The following KIAA1328 variants were observed in gnomAD, a reference collection of about 807,000 sequenced individuals.
The protein encoded by KIAA1328 is protein hinderin.
KIAA1328 carries 52 observed loss-of-function variants against 68.1 expected under a neutral mutation model. The observed-to-expected ratio is 0.76, with a 90% CI of 0.61 to 0.96. KIAA1328 has a LOEUF of 0.96. KIAA1328 is among the 40% of genes least tolerant of loss of function. The pLI is 0.00. For synonymous variants in KIAA1328, 232 were observed against 239.4 expected (o/e 0.97, Z 0.28); for missense variants, 641 against 677.6 (o/e 0.95, Z 0.60).
chr18:37,154,643 C>T (rs1031860242), intron 7 of KIAA1328, among the ~76,000 whole-genome samples: 1 of 152,140 alleles, frequency 6.6e-6, no homozygotes, highest in African/African-American at 2.4e-5. Context: ...CCTCAATTCA[C>T]TCCAGCATCA....
chr18:37,116,150 G>GA (rs1322077067), intron 7 of KIAA1328, among the ~76,000 whole-genome samples: 1 of 151,368 alleles, frequency 6.6e-6, no homozygotes. Context: ...CACAGAATTG[G>GA]AAAAAACTAC....
chr18:36,843,018 T>C (rs933881385), intron 3 of KIAA1328, among the ~76,000 whole-genome samples: 1 of 152,008 alleles, frequency 6.6e-6, no homozygotes, highest in Non-Finnish European at 1.5e-5. Flanking sequence ...AAAATACTAA[T>C]ATTTTTTCTT....
intron 6 of KIAA1328, among the ~76,000 whole-genome samples, chr18:37,001,634 A>G (rs552416616): frequency 2.9e-4 from 44 of 152,266 alleles, no homozygotes; most frequent in African/African-American, 1.0e-3. Flanking sequence ...CTAGCAAACC[A>G]AATCCAACAG....
chr18:36,888,172 G>C (rs1014346670), intron 5 of KIAA1328, among the ~76,000 whole-genome samples: 1 of 152,090 alleles, frequency 6.6e-6, no homozygotes, highest in Admixed American at 6.5e-5. Flanking sequence ...ATTTAACTCG[G>C]GGGGAGAACA....
intron 7 of KIAA1328, among the ~76,000 whole-genome samples, chr18:37,134,929 C>T (rs1471734464): frequency 6.6e-6 from 1 of 152,170 alleles, no homozygotes; most frequent in Non-Finnish European, 1.5e-5. Context: ...TTAGTTCCCA[C>T]TTACAAGTGA....
At chr18:37,078,036 A>G (rs1386819250) in intron 7 of KIAA1328, among the ~76,000 whole-genome samples, 1 of 152,218 alleles carries the variant, frequency 6.6e-6, no homozygotes, top group African/African-American at 2.4e-5. Flanking sequence ...TCCTAAGCCA[A>G]AAGAACAAAG....
At chr18:37,169,666 C>A (rs896223553) in intron 8 of KIAA1328, among the ~76,000 whole-genome samples, 2 of 152,056 alleles carry the variant, frequency 1.3e-5, no homozygotes, top group Admixed American at 6.6e-5. Context: ...TTTCTGGAAA[C>A]GCAATAAGGA....
intron 9 of KIAA1328, among the ~76,000 whole-genome samples, chr18:37,207,319 T>TGACC (rs1217259981): frequency 2.0e-5 from 3 of 152,228 alleles, no homozygotes; most frequent in Non-Finnish European, 4.4e-5. Context: ...TTGCAGCTTA[T>TGACC]GACCACCCCT....
chr18:36,843,928 C>T (rs1390901887), intron 3 of KIAA1328, among the ~76,000 whole-genome samples: 3 of 152,074 alleles, frequency 2.0e-5, no homozygotes, highest in Admixed American at 6.6e-5. Context: ...CTATGACATT[C>T]ACAAAGGGAA....
chr18:37,143,680 C>A (rs323328), intron 7 of KIAA1328, among the ~76,000 whole-genome samples: 65,981 of 151,606 alleles, frequency 0.44, 16,245 homozygotes, highest in African/African-American at 0.68. Flanking sequence ...TTTTTGGTAG[C>A]TGTCCTCTAT....
chr18:37,182,949 C>T (rs1390770871), intron 9 of KIAA1328, among the ~76,000 whole-genome samples: 1 of 152,050 alleles, frequency 6.6e-6, no homozygotes, highest in East Asian at 1.9e-4. Context: ...TGATACTGGC[C>T]CCTCTGCCAA....
chr18:37,063,948 C>G (rs1599130495), intron 6 of KIAA1328, among the ~76,000 whole-genome samples: 1 of 151,640 alleles, frequency 6.6e-6, no homozygotes, highest in Non-Finnish European at 1.5e-5. Context: ...ATATATATAT[C>G]TAGTAATTTC....
intron 5 of KIAA1328, among the ~76,000 whole-genome samples, chr18:36,889,396 G>A (rs989903925): frequency 6.6e-6 from 1 of 152,194 alleles, no homozygotes; most frequent in Non-Finnish European, 1.5e-5. Context: ...TAATATTTAA[G>A]CTAATTGTAT....
At chr18:36,978,326 T>G (rs1447473539) in intron 6 of KIAA1328, among the ~76,000 whole-genome samples, 4 of 152,168 alleles carry the variant, frequency 2.6e-5, no homozygotes, top group Non-Finnish European at 5.9e-5. Context: ...ATTTCCAGAC[T>G]CCCAGAGGGA....
At chr18:36,930,665 T>C (rs931419308) in intron 5 of KIAA1328, among the ~76,000 whole-genome samples, 1 of 152,082 alleles carries the variant, frequency 6.6e-6, no homozygotes, top group African/African-American at 2.4e-5. Context: ...GCTGTTGTAA[T>C]AAGGTTAGCT....
rs1346528175 is a variant in KIAA1328 at position 37,224,019 on chromosome 18, C to G, written c.*1792C>G. On this transcript the variant is annotated 3_prime_UTR_variant, in exon 10 of 10. Coordinates refer to ENST00000280020, the MANE Select transcript of KIAA1328 (RefSeq NM_020776.3). ...ATCGGTTTCATCCCATATCAAAAAG[C>G]CTTTGGAGTGTGGAGCTTTCTGTGG... 2.4e-5 allele frequency: 24 copies of G among 985,224 alleles called. No homozygotes were observed. Among genetic ancestry groups the G allele is most frequent in the Non-Finnish European group, 2.8e-5 (23 of 829,924 alleles). 61.0% of individuals were successfully genotyped at this position (985,224 alleles called of 1,614,324 possible).
chr18:37,063,040 T>TA (rs1332881104), intron 6 of KIAA1328, among the ~76,000 whole-genome samples: 2 of 151,966 alleles, frequency 1.3e-5, no homozygotes, highest in East Asian at 3.9e-4. Flanking sequence ...GCATTCCTTT[T>TA]TTTTTTTTTT....
Position 37,178,186 on chromosome 18 carries a change from A to T in KIAA1328, c.1523+5105A>T, listed in dbSNP as rs1599519886. Among the ~76,000 whole-genome samples the T allele has an allele frequency of 2.0e-5, 3 of 151,854 alleles. No homozygotes were observed. In the South Asian group the frequency reaches 6.2e-4, roughly 32 times the overall value. On this transcript the variant is annotated intron_variant, in intron 9 of 9. Transcript: ENST00000280020. ...TCTAACTGTAACTTTGTACCCAATGACCCCTCTCTCCCCATGTCCCCACCT... is the reference window on the plus strand; with the variant it reads ...TCTAACTGTAACTTTGTACCCAATGTCCCCTCTCTCCCCATGTCCCCACCT...
chr18:37,085,857 C>T (rs879860394), intron 7 of KIAA1328, among the ~76,000 whole-genome samples: 6 of 152,130 alleles, frequency 3.9e-5, no homozygotes, highest in Admixed American at 2.6e-4. Flanking sequence ...TAGCCCCACA[C>T]GTGCTGTTTC....
Sources: allele counts gnomAD v4.1 joint callset (sites outside exome capture counted in the v4.1 genomes callset), GRCh38; gene constraint gnomAD v4.1.1; transcripts MANE v1.5; gene names NCBI Gene and HGNC (gene_info 2026-07-23, HGNC 2026-07-21).